Variants in SOS2 observed in about 807,000 individuals in gnomAD.
SOS2 encodes SOS Ras/Rho guanine nucleotide exchange factor 2.
Under a neutral mutation model 148.2 loss-of-function variants are expected in SOS2, and 65 were observed. The ratio of observed to expected loss-of-function variants is 0.44; its 90% CI spans 0.36 to 0.54. The LOEUF is 0.54. Ranked by LOEUF, SOS2 falls within the 20% of genes least tolerant of loss-of-function variation. The pLI, the probability that SOS2 is intolerant of heterozygous loss-of-function variation, is 0.00. For synonymous variants in SOS2, 539 were observed against 537.1 expected, an observed-to-expected ratio of 1.00 and a Z score of -0.05; for missense variants, 1,341 against 1,590.2, an observed-to-expected ratio of 0.84 and a Z score of 2.67.
Position 50,188,717 on chromosome 14 carries a change from AATAATGT to A in SOS2, c.511-24_511-18del. 3.3e-6 allele frequency: 5 copies of A among 1,506,560 alleles called. No homozygotes were observed. The highest frequency in any genetic ancestry group is 4.5e-6 in the Non-Finnish European group (5 of 1,103,498). 93.3% of individuals were successfully genotyped at this position (1,506,560 alleles called of 1,614,324 possible). A position where few individuals can be genotyped will look rare whatever the true frequency, so the allele number is the denominator to read the frequency against. On this transcript the variant is annotated intron_variant, in intron 4 of 22. Coordinates refer to ENST00000216373, the MANE Select transcript of SOS2 (RefSeq NM_006939.4). ...CATCAAAACCTGAGAAACAGAAATC[AATAATGT>A]ATAAATTTATTTTCTTTACTTTTAT...
At chr14:50,226,196 A>G (rs568978523) in intron 1 of SOS2, among the ~76,000 whole-genome samples, 216 of 152,280 alleles carry the variant, frequency 1.4e-3, no homozygotes, top group Admixed American at 1.2e-3. Context: ...TAATCCCAGC[A>G]TTTTTGGAGG....
chr14:50,225,738 GT>G (rs1887352705), intron 1 of SOS2, among the ~76,000 whole-genome samples: 1 of 152,094 alleles, frequency 6.6e-6, no homozygotes, highest in East Asian at 1.9e-4. Flanking sequence ...TCTCTTATTA[GT>G]TTTTGGCTTT....
At position 50,188,573 on chromosome 14, in the gene SOS2, T is replaced by C; in HGVS notation, c.638A>G (p.Tyr213Cys). The C allele has an allele frequency of 1.2e-6, 2 of 1,608,012 alleles. No homozygotes were observed. Among genetic ancestry groups the C allele is most frequent in the Non-Finnish European group, 1.7e-6 (2 of 1,178,108 alleles). The change falls in exon 5 of 23, where the codon TAT (tyrosine) becomes TGT (cysteine). Residue 213 changes from tyrosine to cysteine, a missense_variant. Transcript: ENST00000216373. ...TATGATCATATTTAATTCCCGTAGA[T>C]ACTGTCTTTCTTCTGCGATTTCAGT... is the stretch of plus-strand genomic sequence containing the variant. ...VRTEIAEERQ[Y>C]LRELNMIIKV... is the part of the protein sequence containing the mutation.
chr14:50,125,407 C>G (rs1324729262), intron 21 of SOS2, among the ~76,000 whole-genome samples: 1 of 152,158 alleles, frequency 6.6e-6, no homozygotes, highest in African/African-American at 2.4e-5. Flanking sequence ...CATTTTTGCT[C>G]TTTTAAGCTA....
chr14:50,217,776 G>A (rs1887077136), intron 1 of SOS2, among the ~76,000 whole-genome samples: 1 of 152,034 alleles, frequency 6.6e-6, no homozygotes, highest in South Asian at 2.1e-4. Flanking sequence ...CTAACATGGT[G>A]AAACCCCGTC....
rs147109760 is a variant in SOS2, at chr14:50,188,590, G to A, written c.621C>T (p.Ile207=). The A allele has an allele frequency of 9.5e-5, 152 of 1,606,890 alleles. No individual in the cohort carries two copies. In the African/African-American group the frequency reaches 1.6e-3, roughly 17 times the overall value. The change falls in exon 5 of 23, where the codon ATC becomes ATT. Residue 207 remains isoleucine (I), a synonymous_variant. Transcript: ENST00000216373. ...LNYYDLVRTE[I]AEERQYLREL... The stretch of plus-strand genomic sequence containing the variant: ...CCCGTAGATACTGTCTTTCTTCTGC[G>A]ATTTCAGTTCTGACAAGATCATAGT...
At chr14:50,171,611 G>C (rs557103645) in intron 8 of SOS2, among the ~76,000 whole-genome samples, 110 of 146,378 alleles carry the variant, frequency 7.5e-4, no homozygotes, top group Non-Finnish European at 1.4e-3. Flanking sequence ...TTGAACCCAG[G>C]GGGCAGAGGT....
rs1883358415 is a variant in SOS2 at position 50,118,258 on chromosome 14, C to G, written c.*86G>C. 8.8e-7 allele frequency: 1 copy of G among 1,141,112 alleles called. No individual in the cohort carries two copies. Among genetic ancestry groups the G allele is most frequent in the South Asian group, 1.6e-5 (1 of 62,338 alleles). The allele number at this position is 1,141,112 out of a possible 1,614,324, so 70.7% of individuals were successfully genotyped here. ...GTAAGAGCATTATTTGTAAAAAGTA[C>G]TAAAATACTATGTCTTTTTTTGAAT... On this transcript the variant is annotated 3_prime_UTR_variant, in exon 23 of 23. Coordinates refer to ENST00000216373, the MANE Select transcript of SOS2 (RefSeq NM_006939.4).
intron 8 of SOS2, among the ~76,000 whole-genome samples, chr14:50,163,960 G>T (rs1365354481): frequency 6.6e-6 from 1 of 152,062 alleles, no homozygotes; most frequent in Non-Finnish European, 1.5e-5. Flanking sequence ...CAAAATTGAG[G>T]ATATTTAGAG....
In SOS2 at chr14:50,231,309, CG is replaced by C. The variant is rs777305557; in HGVS notation, c.-27del. On this transcript the variant is annotated 5_prime_UTR_variant, in exon 1 of 23. Coordinates refer to ENST00000216373, the MANE Select transcript of SOS2 (RefSeq NM_006939.4). Reference sequence around the variant, plus strand: ...GGCCCCGGCGACAGCGCCTCCGCATCGGGGGCAGCCCGCGGGCCGGGCCGGT... The same window carrying C: ...GGCCCCGGCGACAGCGCCTCCGCATCGGGGCAGCCCGCGGGCCGGGCCGGT... 8.2e-6 allele frequency: 11 copies of C among 1,343,686 alleles called. No homozygotes were observed. The Admixed American group carries it at 1.8e-4, about 22-fold the overall frequency. The allele number at this position is 1,343,686 out of a possible 1,614,324, so 83.2% of individuals were successfully genotyped here. A position where few individuals can be genotyped will look rare whatever the true frequency, so the allele number is the denominator to read the frequency against.
chr14:50,172,023 A>C (rs1198099385), intron 8 of SOS2, among the ~76,000 whole-genome samples: 2 of 152,134 alleles, frequency 1.3e-5, no homozygotes, highest in Non-Finnish European at 2.9e-5. Flanking sequence ...CATATTTTTT[A>C]ATTTAAAAGG....
At chr14:50,159,360 ATTT>A (rs1884925422) in intron 10 of SOS2, 68 bp downstream of exon 10, 16 of 979,882 alleles carry the variant, frequency 1.6e-5, no homozygotes, top group Admixed American at 5.0e-5. Context: ...AGCCTCAAAT[ATTT>A]TTGAGCATCC....
rs564465047 is a variant in SOS2, at chr14:50,149,290, T to C, written c.2384+718A>G. 4.6e-5 allele frequency among the ~76,000 whole-genome samples: 7 copies of C among 152,288 alleles called. No homozygotes were observed. The East Asian group carries it at 1.3e-3, about 29-fold the overall frequency. ...TAATGAATAAAGAAAATGTGGTATA[T>C]ATACACAGTGGAACACTATTCGGCC... is the stretch of plus-strand genomic sequence containing the variant. On this transcript the variant is annotated intron_variant, in intron 14 of 22. Coordinates refer to ENST00000216373, the MANE Select transcript of SOS2 (RefSeq NM_006939.4).
Position 50,134,132 on chromosome 14 carries a change from T to C in SOS2, c.3066A>G (p.Pro1022=), listed in dbSNP as rs201696354. 6.0e-5 allele frequency: 90 copies of C among 1,509,678 alleles called. No individual in the cohort carries two copies. In the East Asian group the frequency reaches 1.8e-3, roughly 30 times the overall value. The allele number at this position is 1,509,678 out of a possible 1,614,324, so 93.5% of individuals were successfully genotyped here. A position where few individuals can be genotyped will look rare whatever the true frequency, so the allele number is the denominator to read the frequency against. ...ATTATAAAAGACTTACAAATCGAGG[T>C]GGCTGTTTGCAGTTTCGAGGTTCAA... is the stretch of plus-strand genomic sequence containing the variant. The part of the protein sequence containing the change: ...LEIEPRNCKQ[P]PRFPRKSTFS... The change falls in exon 19 of 23, where the codon CCA becomes CCG. Residue 1022 remains proline, a synonymous_variant. Coordinates refer to ENST00000216373, the MANE Select transcript of SOS2 (RefSeq NM_006939.4).
intron 8 of SOS2, among the ~76,000 whole-genome samples, chr14:50,173,570 T>C (rs1382772230): frequency 1.3e-5 from 2 of 152,102 alleles, no homozygotes; most frequent in East Asian, 1.9e-4. Context: ...TACAGGCGCC[T>C]GCCATCATGC....
chr14:50,192,999 T>G (rs1886196304), intron 4 of SOS2, among the ~76,000 whole-genome samples: 1 of 152,052 alleles, frequency 6.6e-6, no homozygotes, highest in Non-Finnish European at 1.5e-5. Flanking sequence ...TCTCTCACCT[T>G]TTTTTTGGTT....
chr14:50,177,001 T>C (rs1269692747), intron 7 of SOS2, among the ~76,000 whole-genome samples: 1 of 151,296 alleles, frequency 6.6e-6, no homozygotes, highest in African/African-American at 2.4e-5. Context: ...AAGAGCGAGA[T>C]TCCGCCGCAA....
chr14:50,200,596 T>C (rs960085932), intron 3 of SOS2, among the ~76,000 whole-genome samples: 2 of 49,078 alleles, frequency 4.1e-5, no homozygotes, highest in African/African-American at 2.4e-4. Flanking sequence ...ACTCTTATCC[T>C]AGCACTTTGG....
intron 17 of SOS2, among the ~76,000 whole-genome samples, chr14:50,139,283 A>G (rs369805580): frequency 1.0e-5 from 1 of 99,784 alleles, no homozygotes; most frequent in Non-Finnish European, 2.1e-5. Flanking sequence ...TGAACAATAA[A>G]AAAGTTTTTA....
Sources: allele counts gnomAD v4.1 joint callset (sites outside exome capture counted in the v4.1 genomes callset), GRCh38; gene constraint gnomAD v4.1.1; transcripts MANE v1.5; gene names NCBI Gene and HGNC (gene_info 2026-07-23, HGNC 2026-07-21).